DNAH8: variants seen among roughly 807,000 people sequenced by gnomAD.
The protein encoded by DNAH8 is dynein axonemal heavy chain 8.
DNAH8 carries 382 observed loss-of-function variants against 562.1 expected under a neutral mutation model. The ratio of observed to expected loss-of-function variants is 0.68; its 90% CI spans 0.63 to 0.74. DNAH8 has a LOEUF of 0.74. DNAH8 is among the 30% of genes least tolerant of loss of function. DNAH8 has a pLI of 0.00. For missense variants in DNAH8, 5,203 were observed against 5,620.4 expected, an observed-to-expected ratio of 0.93 and a Z score of 2.37; for synonymous variants, 1,881 against 1,919.4, an observed-to-expected ratio of 0.98 and a Z score of 0.52.
chr6:38,762,950 G>A, intron 11 of DNAH8: 1 of 316,096 alleles, frequency 3.2e-6, no homozygotes, highest in Non-Finnish European at 6.1e-6. Flanking sequence ...GAAAACAGTT[G>A]ATCCCAAGGA....
At chr6:38,945,648 G>C (rs944941028) in intron 80 of DNAH8, 60 bp downstream of exon 80, 2 of 1,599,624 alleles carry the variant, frequency 1.3e-6, no homozygotes, top group Admixed American at 1.7e-5. Context: ...TACCTGGGCC[G>C]CTTAAACTGG....
intron 26 of DNAH8, among the ~76,000 whole-genome samples, chr6:38,820,684 A>G (rs1678710): frequency 0.18 from 27,287 of 152,114 alleles, 2,780 homozygotes; most frequent in East Asian, 0.29. Context: ...GTTTGACCAA[A>G]TGAGGTTTAT....
chr6:38,987,373 C>T (rs1764473974), intron 87 of DNAH8, among the ~76,000 whole-genome samples: 2 of 152,210 alleles, frequency 1.3e-5, no homozygotes, highest in African/African-American at 4.8e-5. Context: ...AGTGAGCTGA[C>T]TTCAACCCTC....
At position 38,930,607 on chromosome 6, in the gene DNAH8, T is replaced by C. The variant is rs535590662; in HGVS notation, c.11274+941T>C. 1.1e-4 allele frequency among the ~76,000 whole-genome samples: 16 copies of C among 152,216 alleles called. No individual in the cohort carries two copies. The South Asian group carries it at 2.7e-3, about 26-fold the overall frequency. ...TGAAGGTTAGCATCATTCTATAAGA[T>C]TAGAGGGTAGAATTTCTCTTTTTCA... is the stretch of plus-strand genomic sequence containing the variant. On this transcript the variant is annotated intron_variant, in intron 75 of 92. Coordinates refer to ENST00000327475, the MANE Select transcript of DNAH8 (RefSeq NM_001206927.2).
chr6:38,887,272 A>G (rs911872421), intron 57 of DNAH8, among the ~76,000 whole-genome samples: 2 of 152,216 alleles, frequency 1.3e-5, no homozygotes, highest in Non-Finnish European at 2.9e-5. Flanking sequence ...GACATGGTTA[A>G]TCAGAGAAAT....
intron 79 of DNAH8, among the ~76,000 whole-genome samples, chr6:38,940,586 T>C (rs1011445233): frequency 1.6e-4 from 25 of 152,164 alleles, no homozygotes; most frequent in African/African-American, 5.8e-4. Context: ...CCATAACTAC[T>C]ATGGCAGAGG....
chr6:39,012,017 T>C (rs1373819876), intron 89 of DNAH8, among the ~76,000 whole-genome samples, 198 bp from the exon 90 acceptor site: 1 of 152,218 alleles, frequency 6.6e-6, no homozygotes, highest in African/African-American at 2.4e-5. Flanking sequence ...AAAATCATTT[T>C]AGTTGAACAG....
rs550215596 is a variant in DNAH8 at position 38,970,183 on chromosome 6, C to T, written c.12452-1409C>T. The stretch of plus-strand genomic sequence containing the variant: ...GGAAGAAGACAGAGAGGCTGTGGCT[C>T]ACACTCATGTGTTAATACTTTTTGA... On this transcript the variant is annotated intron_variant, in intron 82 of 92. Transcript: ENST00000327475. Among the ~76,000 whole-genome samples, 90 of 152,280 alleles carry T rather than the reference C, an allele frequency of 5.9e-4. 1 individual carries two copies. Among genetic ancestry groups the T allele is most frequent in the African/African-American group, 2.1e-3 (88 of 41,556 alleles).
Position 38,890,655 on chromosome 6 carries a change from T to C in DNAH8, c.8477T>C (p.Ile2826Thr). Residue 2826 changes from isoleucine to threonine, a missense_variant, in exon 58 of 93, where the codon ATT becomes ACT. Ile to Thr is a moderately conservative substitution (Grantham distance 89). Coordinates refer to ENST00000327475, the MANE Select transcript of DNAH8 (RefSeq NM_001206927.2). Reference sequence around the variant, plus strand: ...TTCAATCTTGCTTATCTTTCAGGAATTATTGGATGTGGATACTTTGATCCT... The same window carrying C: ...TTCAATCTTGCTTATCTTTCAGGAACTATTGGATGTGGATACTTTGATCCT... ...SNASIDKIFG[I>T]IGCGYFDPCR... The C allele has an allele frequency of 6.2e-7, 1 of 1,604,236 alleles. No individual in the cohort carries two copies. The highest frequency in any genetic ancestry group is 8.5e-7 in the Non-Finnish European group (1 of 1,171,088).
At chr6:38,932,030 A>C in intron 76 of DNAH8, 37 bp downstream of exon 76, 1 of 1,402,650 alleles carries the variant, frequency 7.1e-7, no homozygotes, top group Non-Finnish European at 9.5e-7. Flanking sequence ...TTCTGCTTAT[A>C]ATACATGCTT....
chr6:38,959,907 A>G (rs1370316648), intron 82 of DNAH8, among the ~76,000 whole-genome samples: 2 of 152,144 alleles, frequency 1.3e-5, no homozygotes, highest in Admixed American at 1.3e-4. Flanking sequence ...TGGTAGTGGC[A>G]TAAAACCAGA....
intron 79 of DNAH8, among the ~76,000 whole-genome samples, chr6:38,944,727 G>A (rs922052225): frequency 2.6e-4 from 40 of 152,152 alleles, no homozygotes; most frequent in African/African-American, 8.9e-4. Context: ...AAAAGCAAGG[G>A]CCTGGTTGGG....
At chr6:38,993,165 C>T (rs1037878518) in intron 88 of DNAH8, among the ~76,000 whole-genome samples, 28 of 152,100 alleles carry the variant, frequency 1.8e-4, no homozygotes, top group Non-Finnish European at 4.1e-4. Context: ...ATTGATATCT[C>T]CTTTCTCCCA....
chr6:38,729,072 A>C (rs1763458407), intron 3 of DNAH8, among the ~76,000 whole-genome samples: 1 of 152,192 alleles, frequency 6.6e-6, no homozygotes, highest in African/African-American at 2.4e-5. Flanking sequence ...GCGTGGTGGC[A>C]GAAGCCTGTA....
chr6:38,848,840 G>A, intron 37 of DNAH8, 39 bp downstream of exon 37: 2 of 1,594,986 alleles, frequency 1.3e-6, no homozygotes, highest in Non-Finnish European at 1.7e-6. Flanking sequence ...AAATAATTTG[G>A]TGTATGTTGT....
chr6:38,850,824 A>C (rs1775683845), intron 38 of DNAH8, among the ~76,000 whole-genome samples: 2 of 152,016 alleles, frequency 1.3e-5, no homozygotes, highest in Non-Finnish European at 2.9e-5. Context: ...CTCTGTCTTC[A>C]CTTGGCCTTC....
At chr6:38,964,657 C>T (rs1478321399) in intron 82 of DNAH8, among the ~76,000 whole-genome samples, 2 of 151,716 alleles carry the variant, frequency 1.3e-5, no homozygotes, top group African/African-American at 4.8e-5. Context: ...ATTGAATGAA[C>T]AAGAATGCAT....
At chr6:38,720,898 T>TA (rs1762700483) in intron 1 of DNAH8, among the ~76,000 whole-genome samples, 1 of 151,314 alleles carries the variant, frequency 6.6e-6, no homozygotes, top group African/African-American at 2.4e-5. Flanking sequence ...AGATTGAGAT[T>TA]AAAAAACCCA....
At position 38,925,643 on chromosome 6, in the gene DNAH8, T is replaced by C. The variant is rs113882665; in HGVS notation, c.10963-412T>C. ...CAGCTATGCAATCACCCATACACCA[T>C]GTGGGCAGAACCAAAGGGCCGGAAG... On this transcript the variant is annotated intron_variant, in intron 73 of 92. Transcript: ENST00000327475. Among the ~76,000 whole-genome samples the C allele has an allele frequency of 3.0e-3, 452 of 152,204 alleles. 2 individuals are homozygous for C. The highest frequency in any genetic ancestry group is 0.01 in the African/African-American group (431 of 41,530).
Sources: gnomAD v4.1 joint callset for allele counts (sites outside exome capture counted in the v4.1 genomes callset) on GRCh38, gnomAD v4.1.1 for gene constraint, MANE v1.5 for transcripts, NCBI Gene and HGNC (gene_info 2026-07-23, HGNC 2026-07-21) for gene names.